The following FOXN3 variants were observed in gnomAD, a reference collection of about 807,000 sequenced individuals.
The protein encoded by FOXN3 is forkhead box protein N3.
FOXN3 carries 7 observed loss-of-function variants against 38.4 expected under a neutral mutation model. The ratio of observed to expected loss-of-function variants is 0.18; its 90% CI spans 0.10 to 0.34. The LOEUF is 0.34. Among genes scored for constraint, FOXN3 ranks in the 10% least tolerant of loss-of-function variants. The pLI is 1.00. For missense variants in FOXN3, 456 were observed against 613.4 expected (o/e 0.74, Z 2.71); for synonymous variants, 230 against 242.2 (o/e 0.95, Z 0.47).
chr14:89,233,358 C>T (rs1170999433), intron 4 of FOXN3, among the ~76,000 whole-genome samples: 1 of 152,180 alleles, frequency 6.6e-6, no homozygotes, highest in East Asian at 1.9e-4. Flanking sequence ...TCTGAGGTCA[C>T]ATAATGGCTG....
chr14:89,369,322 T>C (rs1278874327), intron 2 of FOXN3, among the ~76,000 whole-genome samples: 1 of 152,172 alleles, frequency 6.6e-6, no homozygotes, highest in Non-Finnish European at 1.5e-5. Context: ...TTAGTAGCAG[T>C]GATAGTAGCA....
chr14:89,281,741 G>A (rs1215379935), intron 3 of FOXN3, among the ~76,000 whole-genome samples: 2 of 152,146 alleles, frequency 1.3e-5, no homozygotes, highest in Non-Finnish European at 2.9e-5. Flanking sequence ...GCCAGCCTTA[G>A]TAAAATGTCC....
chr14:89,435,756 G>A (rs1380080451), intron 1 of FOXN3, among the ~76,000 whole-genome samples: 1 of 152,154 alleles, frequency 6.6e-6, no homozygotes, highest in Non-Finnish European at 1.5e-5. Context: ...TCTGGCTTCT[G>A]CCAACACCAG....
intron 4 of FOXN3, among the ~76,000 whole-genome samples, chr14:89,271,322 CA>C (rs2139904543): frequency 1.3e-5 from 2 of 152,292 alleles, no homozygotes; most frequent in African/African-American, 4.8e-5. Context: ...AACAGAATTT[CA>C]AGGGGAATGA....
chr14:89,371,204 C>G (rs2140056159), intron 2 of FOXN3, among the ~76,000 whole-genome samples: 1 of 152,290 alleles, frequency 6.6e-6, no homozygotes, highest in African/African-American at 2.4e-5. Flanking sequence ...GAAAGGCCAG[C>G]TCTGTCCTCT....
intron 1 of FOXN3, among the ~76,000 whole-genome samples, chr14:89,555,877 A>C (rs7159641): frequency 1.1e-5 from 1 of 93,944 alleles, no homozygotes; most frequent in African/African-American, 4.4e-5. Flanking sequence ...GTGTGTGTGT[A>C]TGTGGGGGTG....
At chr14:89,242,769 C>T (rs1385833036) in intron 4 of FOXN3, among the ~76,000 whole-genome samples, 3 of 152,114 alleles carry the variant, frequency 2.0e-5, no homozygotes, top group East Asian at 1.9e-4. Flanking sequence ...CTAAATACTG[C>T]ATGTATTATG....
intron 2 of FOXN3, among the ~76,000 whole-genome samples, chr14:89,394,072 G>A (rs993372582): frequency 6.6e-6 from 1 of 151,982 alleles, no homozygotes; most frequent in African/African-American, 2.4e-5. Flanking sequence ...AGAGAGAAAG[G>A]GGGCCAAAAC....
intron 1 of FOXN3, among the ~76,000 whole-genome samples, chr14:89,587,229 T>G (rs575532681): frequency 3.7e-4 from 56 of 152,362 alleles, no homozygotes; most frequent in African/African-American, 1.3e-3. Flanking sequence ...CCACCCACAT[T>G]ATGGGGGGTA....
chr14:89,378,572 A>G (rs1890552246), intron 2 of FOXN3, among the ~76,000 whole-genome samples: 1 of 152,244 alleles, frequency 6.6e-6, no homozygotes, highest in Non-Finnish European at 1.5e-5. Flanking sequence ...GCTTATCATG[A>G]TAAGAGGGGA....
chr14:89,478,314 T>C (rs1893253370), intron 1 of FOXN3, among the ~76,000 whole-genome samples: 1 of 152,136 alleles, frequency 6.6e-6, no homozygotes, highest in Non-Finnish European at 1.5e-5. Flanking sequence ...CATGAACCAA[T>C]TCAATCTCTT....
intron 1 of FOXN3, among the ~76,000 whole-genome samples, chr14:89,478,273 G>C (rs1170398100): frequency 1.3e-5 from 2 of 152,144 alleles, no homozygotes; most frequent in Non-Finnish European, 2.9e-5. Flanking sequence ...AGAAGCAGAT[G>C]CCACTATGCT....
intron 2 of FOXN3, among the ~76,000 whole-genome samples, chr14:89,359,140 C>T (rs1272131066): frequency 6.6e-6 from 1 of 151,776 alleles, no homozygotes; most frequent in Non-Finnish European, 1.5e-5. Flanking sequence ...GCTAAAAATA[C>T]AAAAAATTAG....
At chr14:89,549,586 C>T (rs1379643672) in intron 1 of FOXN3, among the ~76,000 whole-genome samples, 1 of 150,782 alleles carries the variant, frequency 6.6e-6, no homozygotes. Flanking sequence ...GAACAAACCC[C>T]AAATCTTATA....
At chr14:89,312,212 G>A (rs984096906) in intron 3 of FOXN3, among the ~76,000 whole-genome samples, 1 of 145,632 alleles carries the variant, frequency 6.9e-6, no homozygotes, top group African/African-American at 2.6e-5. Context: ...ATGAACCTGT[G>A]AGACAGAGAT....
intron 4 of FOXN3, among the ~76,000 whole-genome samples, chr14:89,251,818 G>A (rs985016137): frequency 6.6e-6 from 1 of 152,208 alleles, no homozygotes; most frequent in African/African-American, 2.4e-5. Context: ...CACCAATGAT[G>A]TGCTATGGGA....
chr14:89,237,750 T>C lies in FOXN3; in HGVS notation c.745+43200A>G, dbSNP rs578019672. On this transcript the variant is annotated intron_variant, in intron 4 of 5. Transcript: ENST00000557258. ...AAGTACAGTAAAGTACTAGAAAGGA[T>C]TAATAAAGTAGTACCTCAGCCATGC... is the stretch of plus-strand genomic sequence containing the variant. 2.6e-5 allele frequency among the ~76,000 whole-genome samples: 4 copies of C among 152,356 alleles called. No individual in the cohort carries two copies. In the South Asian group the frequency reaches 8.3e-4, roughly 32 times the overall value.
At chr14:89,491,945 G>A (rs1893585139) in intron 1 of FOXN3, among the ~76,000 whole-genome samples, 1 of 152,122 alleles carries the variant, frequency 6.6e-6, no homozygotes, top group Non-Finnish European at 1.5e-5. Context: ...TCTTACAAAA[G>A]AGTTAAAATA....
chr14:89,268,006 T>G (rs1886034661), intron 4 of FOXN3, among the ~76,000 whole-genome samples: 1 of 152,164 alleles, frequency 6.6e-6, no homozygotes, highest in Non-Finnish European at 1.5e-5. Flanking sequence ...CTGAAAATCC[T>G]TCATAATAAT....
Sources: allele counts gnomAD v4.1 joint callset (sites outside exome capture counted in the v4.1 genomes callset), GRCh38; gene constraint gnomAD v4.1.1; transcripts MANE v1.5; gene names NCBI Gene and HGNC (gene_info 2026-07-23, HGNC 2026-07-21).